Variants in ACBD6 observed in about 807,000 individuals in gnomAD.
ACBD6 encodes acyl-CoA binding domain containing 6, also known as acyl-CoA-binding domain-containing protein 6.
Under a neutral mutation model 37.2 loss-of-function variants are expected in ACBD6, and 28 were observed. The observed-to-expected ratio is 0.75, with a 90% CI of 0.56 to 1.03. The LOEUF is 1.03. Among genes scored for constraint, ACBD6 ranks in the 50% least tolerant of loss-of-function variants. The pLI is 0.00. For synonymous variants in ACBD6, 113 were observed against 126.8 expected, an observed-to-expected ratio of 0.89 and a Z score of 0.73; for missense variants, 340 against 337.4, an observed-to-expected ratio of 1.01 and a Z score of -0.06.
chr1:180,358,243 A>G (rs1279097988), intron 6 of ACBD6, among the ~76,000 whole-genome samples: 1 of 152,168 alleles, frequency 6.6e-6, no homozygotes, highest in African/African-American at 2.4e-5. Flanking sequence ...CCTGATCAAC[A>G]TGGTGAAACC....
intron 6 of ACBD6, among the ~76,000 whole-genome samples, chr1:180,381,347 T>G (rs956564558): frequency 1.3e-5 from 2 of 152,204 alleles, no homozygotes; most frequent in African/African-American, 4.8e-5. Context: ...GGATTTAAAC[T>G]GCACATTAGA....
At chr1:180,313,875 C>A (rs978660926) in intron 7 of ACBD6, among the ~76,000 whole-genome samples, 1 of 152,136 alleles carries the variant, frequency 6.6e-6, no homozygotes, top group African/African-American at 2.4e-5. Flanking sequence ...TTACATTTTA[C>A]AAAATACTGT....
chr1:180,367,503 C>A (rs1408302775), intron 6 of ACBD6, among the ~76,000 whole-genome samples: 1 of 152,072 alleles, frequency 6.6e-6, no homozygotes, highest in African/African-American at 2.4e-5. Context: ...CAGTACTCAA[C>A]AGTTATCTTT....
intron 6 of ACBD6, among the ~76,000 whole-genome samples, chr1:180,345,837 T>A (rs970607585): frequency 6.6e-6 from 1 of 152,228 alleles, no homozygotes; most frequent in African/African-American, 2.4e-5. Flanking sequence ...TATGTCTATA[T>A]GTTTTTTTTA....
intron 4 of ACBD6, among the ~76,000 whole-genome samples, chr1:180,427,783 A>G (rs574661729): frequency 2.3e-4 from 35 of 152,136 alleles, no homozygotes; most frequent in Non-Finnish European, 4.3e-4. Flanking sequence ...TTAGTTGGGC[A>G]TGGTGGTGCG....
intron 12 of ACBD6, chr1:180,272,801 G>T (rs966658406): frequency 6.6e-6 from 1 of 152,186 alleles, no homozygotes; most frequent in Admixed American, 6.5e-5. Context: ...TTCCCAAGAG[G>T]AATACCATAT....
chr1:180,297,832 C>G (rs1226535390), intron 7 of ACBD6, among the ~76,000 whole-genome samples: 1 of 152,148 alleles, frequency 6.6e-6, no homozygotes, highest in East Asian at 1.9e-4. Flanking sequence ...CCTCTGCCTC[C>G]CGGGTTCGAG....
exon 14 of ACBD6, chr1:180,271,548 A>C: frequency 6.2e-7 from 1 of 1,613,532 alleles, no homozygotes; most frequent in Non-Finnish European, 8.5e-7. Flanking sequence ...AGATGCCAGC[A>C]CTCCTGTGCC....
At chr1:180,373,166 T>C (rs1322235692) in intron 6 of ACBD6, among the ~76,000 whole-genome samples, 6 of 152,292 alleles carry the variant, frequency 3.9e-5, no homozygotes, top group Middle Eastern at 3.4e-3. Flanking sequence ...AGAAACATCA[T>C]TCAGAACCTG....
At chr1:180,419,486 A>G (rs1380386822) in intron 4 of ACBD6, among the ~76,000 whole-genome samples, 1 of 152,154 alleles carries the variant, frequency 6.6e-6, no homozygotes, top group African/African-American at 2.4e-5. Flanking sequence ...AATACACAGT[A>G]CCCAATGGAC....
At chr1:180,490,962 A>T (rs1360937664) in intron 3 of ACBD6, among the ~76,000 whole-genome samples, 5 of 9,494 alleles carry the variant, frequency 5.3e-4, no homozygotes, top group East Asian at 5.8e-3. Flanking sequence ...TGTCTCATAT[A>T]AAAAAAAAAA....
At position 180,294,948 on chromosome 1, in the gene ACBD6, A is replaced by G. The variant is rs539276056; in HGVS notation, c.695-6431T>C. On this transcript the variant is annotated intron_variant, in intron 7 of 7. Coordinates refer to ENST00000367595, the MANE Select transcript of ACBD6 (RefSeq NM_032360.4). Reference sequence around the variant, plus strand: ...TCTTAGTCTCAAGTGATCCTTCTGCACTGGTCTCCCAAAGTGCTGGGATTA... The same window carrying G: ...TCTTAGTCTCAAGTGATCCTTCTGCGCTGGTCTCCCAAAGTGCTGGGATTA... Among the ~76,000 whole-genome samples, 139 of 152,138 alleles carry G rather than the reference A, an allele frequency of 9.1e-4. 1 individual carries two copies. Among genetic ancestry groups the G allele is most frequent in the African/African-American group, 3.2e-3 (134 of 41,502 alleles).
At chr1:180,399,229 T>C (rs998732168) in intron 5 of ACBD6, among the ~76,000 whole-genome samples, 1 of 152,118 alleles carries the variant, frequency 6.6e-6, no homozygotes, top group East Asian at 1.9e-4. Flanking sequence ...AAAAAATTTA[T>C]TTTGCCTTGT....
downstream of ACBD6, among the ~76,000 whole-genome samples, chr1:180,287,801 T>C (rs1168332033): frequency 1.3e-5 from 2 of 152,086 alleles, no homozygotes; most frequent in African/African-American, 2.4e-5. Flanking sequence ...TTTCAGTAAA[T>C]CTAGTTGTTC....
At chr1:180,358,368 G>A (rs750797107) in intron 6 of ACBD6, among the ~76,000 whole-genome samples, 19 of 151,922 alleles carry the variant, frequency 1.3e-4, no homozygotes, top group Non-Finnish European at 2.5e-4. Flanking sequence ...CGGGGGTTGC[G>A]GTGAGCCGAG....
At chr1:180,358,194 C>T (rs1202073072) in intron 6 of ACBD6, among the ~76,000 whole-genome samples, 4 of 152,020 alleles carry the variant, frequency 2.6e-5, no homozygotes, top group African/African-American at 7.3e-5. Flanking sequence ...TTTGGGAGGC[C>T]GAGGTGGGCG....
At chr1:180,311,740 C>G (rs560699485) in intron 7 of ACBD6, among the ~76,000 whole-genome samples, 1 of 152,312 alleles carries the variant, frequency 6.6e-6, no homozygotes, top group East Asian at 1.9e-4. Flanking sequence ...CATCACTGAC[C>G]TGGGAAGACA....
intron 4 of ACBD6, among the ~76,000 whole-genome samples, chr1:180,427,488 T>C (rs1648630316): frequency 6.6e-6 from 1 of 152,150 alleles, no homozygotes; most frequent in Non-Finnish European, 1.5e-5. Context: ...ACCAGATATA[T>C]TTCACCAAAA....
chr1:180,392,614 C>T (rs915781578), intron 6 of ACBD6, among the ~76,000 whole-genome samples: 7 of 152,004 alleles, frequency 4.6e-5, no homozygotes, highest in Admixed American at 4.6e-4. Context: ...GGCATTGATG[C>T]AATGACTAAA....
Sources: allele counts gnomAD v4.1 joint callset (sites outside exome capture counted in the v4.1 genomes callset), GRCh38; gene constraint gnomAD v4.1.1; transcripts MANE v1.5; gene names NCBI Gene and HGNC (gene_info 2026-07-23, HGNC 2026-07-21).